The following RANBP3 variants were observed in gnomAD, a reference collection of about 807,000 sequenced individuals.
RANBP3 encodes RAN binding protein 3.
A neutral mutation model predicts 77.3 loss-of-function variants in RANBP3; 14 were observed. That is an observed-to-expected ratio of 0.18 (90% CI 0.12 to 0.28). The LOEUF (loss-of-function observed/expected upper bound fraction) is 0.28, where lower values mean the gene tolerates loss of function less well. Ranked by LOEUF, RANBP3 falls within the 10% of genes least tolerant of loss-of-function variation. The pLI is 1.00. For missense variants in RANBP3, 586 were observed against 752.3 expected (o/e 0.78, Z 2.59); for synonymous variants, 315 against 312.4 (o/e 1.01, Z -0.09).
chr19:5,948,220 G>T (rs2058231675), intron 3 of RANBP3, among the ~76,000 whole-genome samples: 1 of 152,216 alleles, frequency 6.6e-6, no homozygotes, highest in African/African-American at 2.4e-5. Context: ...GGAGGCCGAG[G>T]TCGGCGGATC....
chr19:5,947,678 C>T (rs932905300), intron 3 of RANBP3, among the ~76,000 whole-genome samples: 3 of 152,240 alleles, frequency 2.0e-5, no homozygotes, highest in Non-Finnish European at 4.4e-5. Flanking sequence ...AGCCCTCCCG[C>T]GGCTTGGGCT....
At chr19:5,947,750 G>C (rs1431519170) in intron 3 of RANBP3, among the ~76,000 whole-genome samples, 1 of 152,202 alleles carries the variant, frequency 6.6e-6, no homozygotes, top group Non-Finnish European at 1.5e-5. Flanking sequence ...CCTGCCGGCG[G>C]GGTGGGGGCT....
intron 1 of RANBP3, among the ~76,000 whole-genome samples, chr19:5,961,706 C>T (rs1176354499): frequency 2.0e-5 from 3 of 152,024 alleles, no homozygotes; most frequent in African/African-American, 7.3e-5. Context: ...GCACTCCAGC[C>T]TGGGCAACAA....
intron 3 of RANBP3, among the ~76,000 whole-genome samples, chr19:5,944,995 C>T (rs2058185977): frequency 6.6e-6 from 1 of 152,322 alleles, no homozygotes; most frequent in African/African-American, 2.4e-5. Context: ...CTCTCTCATC[C>T]AGTGACGCCC....
chr19:5,932,686 CTTTTT>C (rs888278086), intron 6 of RANBP3, 142 bp from the exon 7 acceptor site: 1 of 610,898 alleles, frequency 1.6e-6, no homozygotes, highest in Admixed American at 3.0e-5. Context: ...AACTTGAGGT[CTTTTT>C]TTAACAGCTG....
At chr19:5,936,043 G>A (rs896339300) in intron 5 of RANBP3, among the ~76,000 whole-genome samples, 3 of 152,220 alleles carry the variant, frequency 2.0e-5, no homozygotes, top group African/African-American at 7.2e-5. Context: ...GGTGCTTTTC[G>A]CCTGCCTCAG....
intron 10 of RANBP3, 31 bp downstream of exon 10, chr19:5,925,603 C>A (rs1416195809): frequency 6.3e-7 from 1 of 1,597,274 alleles, no homozygotes; most frequent in African/African-American, 1.3e-5. Context: ...CATCGCCATG[C>A]CAGGCTGGCC....
rs2058375991 is a variant in RANBP3, at chr19:5,959,623, C to G, written c.23-1650G>C. On this transcript the variant is annotated intron_variant, in intron 1 of 16. Transcript: ENST00000340578. The surrounding 1 kb of genome is among the most constrained non-coding windows in gnomAD (Gnocchi z 5.1). ...TCCCTAAGCAGACTTCTTGCCAACA[C>G]AGCACACAGGTGCTGCTTGACAAAC... is the stretch of plus-strand genomic sequence containing the variant. 6.6e-6 allele frequency among the ~76,000 whole-genome samples: 1 copy of G among 152,174 alleles called. No individual in the cohort carries two copies. The highest frequency in any genetic ancestry group is 6.5e-5 in the Admixed American group (1 of 15,286).
chr19:5,921,227 T>C lies in RANBP3; in HGVS notation c.1304A>G (p.Asp435Gly). ...LLRLNDMAST[D>G]DGTLQSRLVM... ...TAGTCGGGACTGTAGTGTGCCGTCA[T>C]CGGTGGACGCCATGTCATTGAGTCT... Residue 435 changes from aspartate to glycine, a missense_variant, in exon 14 of 17, where the codon GAT becomes GGT. Physicochemically the swap from Asp to Gly is moderately conservative, Grantham distance 94 (BLOSUM62 -1). Coordinates refer to ENST00000340578, the MANE Select transcript of RANBP3 (RefSeq NM_007322.3). The surrounding 1 kb of genome is among the most constrained non-coding windows in gnomAD (Gnocchi z 5.3). 6.2e-7 allele frequency: 1 copy of C among 1,612,910 alleles called. No homozygotes were observed. Among genetic ancestry groups the C allele is most frequent in the South Asian group, 1.1e-5 (1 of 91,050 alleles).
At chr19:5,935,011 T>G (rs978148416) in intron 5 of RANBP3, among the ~76,000 whole-genome samples, 4 of 152,136 alleles carry the variant, frequency 2.6e-5, no homozygotes, top group African/African-American at 9.7e-5. Flanking sequence ...GGGATGAGGT[T>G]TCTTTTTGGG....
intron 3 of RANBP3, among the ~76,000 whole-genome samples, chr19:5,951,087 G>C (rs1191045965): frequency 6.6e-6 from 1 of 152,128 alleles, no homozygotes; most frequent in Non-Finnish European, 1.5e-5. Context: ...AGGTTTGGAA[G>C]GTTCTACTTC....
At position 5,957,954 on chromosome 19, in the gene RANBP3, C is replaced by A. The variant is rs773675978; in HGVS notation, c.42G>T (p.Pro14=). Residue 14 remains proline, a synonymous_variant, in exon 2 of 17, where the codon CCG becomes CCT. Transcript: ENST00000340578. ...TATCCTTCTGAAACACAAAGACGGG[C>A]GGAGCAATGGCAGGCTTTTCTGCAA... is the stretch of plus-strand genomic sequence containing the variant. ...LANEEKPAIA[P]PVFVFQKDKG... The A allele has an allele frequency of 1.9e-6, 3 of 1,614,158 alleles. No individual in the cohort carries two copies. The highest frequency in any genetic ancestry group is 1.6e-4 in the Middle Eastern group (1 of 6,062).
At chr19:5,974,864 C>T (rs979799713) in intron 1 of RANBP3, among the ~76,000 whole-genome samples, 3 of 152,164 alleles carry the variant, frequency 2.0e-5, no homozygotes, top group African/African-American at 7.2e-5. Flanking sequence ...CCAGGGGGTA[C>T]TGATGCCCAG....
Position 5,951,522 on chromosome 19 carries a change from G to A in RANBP3, c.153C>T (p.Gly51=). The A allele has an allele frequency of 1.2e-6, 2 of 1,612,252 alleles. No homozygotes were observed. Among genetic ancestry groups the A allele is most frequent in the Non-Finnish European group, 1.7e-6 (2 of 1,179,016 alleles). The change falls in exon 3 of 17, where the codon GGC becomes GGT. Residue 51 remains glycine (G), a synonymous_variant. Transcript: ENST00000340578. ...CGCCAGCTGACTCGGGGTGACCCGTGCCATGGTGGGGGGCCTCAGCCTCCC... is the reference window on the plus strand; with the variant it reads ...CGCCAGCTGACTCGGGGTGACCCGTACCATGGTGGGGGGCCTCAGCCTCCC... ...PRGEAEAPHH[G]TGHPESAGEH...
chr19:5,961,351 C>G (rs1449029458), intron 1 of RANBP3, among the ~76,000 whole-genome samples: 1 of 151,944 alleles, frequency 6.6e-6, no homozygotes, highest in Non-Finnish European at 1.5e-5. Context: ...GCTGAGCTTG[C>G]AGTGAGCCAA....
chr19:5,960,566 T>TTTATGGA (rs1187351324), intron 1 of RANBP3, among the ~76,000 whole-genome samples: 1 of 152,164 alleles, frequency 6.6e-6, no homozygotes, highest in Non-Finnish European at 1.5e-5. Flanking sequence ...CTTGGCACAC[T>TTTATGGA]TTATGGATTC....
chr19:5,949,176 T>TG (rs1400480141), intron 3 of RANBP3, among the ~76,000 whole-genome samples: 5 of 151,882 alleles, frequency 3.3e-5, no homozygotes, highest in Non-Finnish European at 5.9e-5. Context: ...AACATGGGGG[T>TG]GGTTTCCTGA....
intron 2 of RANBP3, among the ~76,000 whole-genome samples, chr19:5,956,930 A>G (rs1413260817): frequency 6.6e-6 from 1 of 152,190 alleles, no homozygotes; most frequent in African/African-American, 2.4e-5. Context: ...ATTCAGCACA[A>G]CACTTGGTCA....
At chr19:5,934,695 A>G (rs780173943) in intron 5 of RANBP3, among the ~76,000 whole-genome samples, 1 of 152,126 alleles carries the variant, frequency 6.6e-6, no homozygotes, top group Admixed American at 6.5e-5. Flanking sequence ...TTAGCCAGGC[A>G]TGGTGGTACA....
Sources: allele counts gnomAD v4.1 joint callset (sites outside exome capture counted in the v4.1 genomes callset), GRCh38; gene constraint gnomAD v4.1.1; non-coding constraint Gnocchi (gnomAD v3.1); transcripts MANE v1.5; gene names NCBI Gene and HGNC (gene_info 2026-07-23, HGNC 2026-07-21).